The following IARS1 variants were observed in gnomAD, a reference collection of about 807,000 sequenced individuals.
IARS1 encodes the protein isoleucine--tRNA ligase, cytoplasmic.
In IARS1, 124 loss-of-function variants were observed where a neutral mutation model predicts 168.2. That is an observed-to-expected ratio of 0.74 (90% CI 0.64 to 0.86). IARS1 has a LOEUF of 0.86. Ranked by LOEUF, IARS1 falls within the 40% of genes least tolerant of loss-of-function variation. The pLI is 0.00. For synonymous variants in IARS1, 532 were observed against 529.4 expected (o/e 1.00, Z -0.07); for missense variants, 1,452 against 1,515.8 (o/e 0.96, Z 0.70).
At chr9:92,239,741 G>A (rs1345803437) in intron 30 of IARS1, among the ~76,000 whole-genome samples, 2 of 152,154 alleles carry the variant, frequency 1.3e-5, no homozygotes, top group Non-Finnish European at 2.9e-5. Context: ...GAAAGTCCCA[G>A]CTTCCTACTT....
chr9:92,289,004 T>G lies in IARS1; in HGVS notation c.119+297A>C, dbSNP rs147832479. 3.3e-5 allele frequency among the ~76,000 whole-genome samples: 5 copies of G among 151,612 alleles called. No individual in the cohort carries two copies. In the East Asian group the frequency reaches 5.8e-4, roughly 18 times the overall value. On this transcript the variant is annotated intron_variant, in intron 2 of 33. Transcript: ENST00000443024. The stretch of plus-strand genomic sequence containing the variant: ...TGGGTGGATCACTTGAGGTCAGGAG[T>G]CCGAGACCAGCCTGGGCAACATGGT...
chr9:92,267,705 A>C (rs1372338344), intron 14 of IARS1, among the ~76,000 whole-genome samples: 1 of 151,766 alleles, frequency 6.6e-6, no homozygotes, highest in Non-Finnish European at 1.5e-5. Context: ...GTGAGGACAT[A>C]GTATATCCAC....
At position 92,233,150 on chromosome 9, in the gene IARS1, GTT is replaced by G. The variant is rs370987184; in HGVS notation, c.3284-4026_3284-4025del. On this transcript the variant is annotated intron_variant, in intron 30 of 33. Transcript: ENST00000443024. The stretch of plus-strand genomic sequence containing the variant: ...TGGGAAGCGCTGTCAAATAAGAAAT[GTT>G]GTTTAACCTTCTTTAACTTGTACAA... Among the ~76,000 whole-genome samples, 150 of 152,334 alleles carry G rather than the reference GTT, an allele frequency of 9.8e-4. 1 individual carries two copies. The East Asian group carries it at 0.025, about 26-fold the overall frequency.
At chr9:92,229,364 C>CACACACT (rs769996938) in intron 30 of IARS1, among the ~76,000 whole-genome samples, 206 of 129,896 alleles carry the variant, frequency 1.6e-3, no homozygotes, top group Admixed American at 4.8e-3. Flanking sequence ...ACACTACACA[C>CACACACT]ACACACACAC....
chr9:92,222,542 A>G lies in IARS1; in HGVS notation c.3684T>C (p.Phe1228=), dbSNP rs374807564. 105 of 1,613,912 alleles carry G rather than the reference A, an allele frequency of 6.5e-5. No individual in the cohort carries two copies. Among genetic ancestry groups the G allele is most frequent in the Non-Finnish European group, 8.4e-5 (99 of 1,179,992 alleles). The change falls in exon 33 of 34, where the codon TTT becomes TTC. Residue 1228 remains phenylalanine (F), a synonymous_variant. Transcript: ENST00000443024. ...TACCCTGCGTTTGGGTCTCATTCAG[A>G]AACAGCTTTAGCTTCCTGCTCCGAA... is the stretch of plus-strand genomic sequence containing the variant. The part of the protein sequence containing the change: ...FGLRSRKLKL[F]LNETQTQEIT...
intron 31 of IARS1, among the ~76,000 whole-genome samples, chr9:92,226,651 C>T (rs1228816948): frequency 6.6e-6 from 1 of 152,110 alleles, no homozygotes; most frequent in Non-Finnish European, 1.5e-5. Context: ...CCTCTGAAAC[C>T]TGTAGGCGAA....
At chr9:92,275,950 C>T (rs962102839) in intron 9 of IARS1, among the ~76,000 whole-genome samples, 1 of 152,172 alleles carries the variant, frequency 6.6e-6, no homozygotes, top group African/African-American at 2.4e-5. Context: ...TCCAGACAGA[C>T]CTCTACTTAA....
intron 6 of IARS1, among the ~76,000 whole-genome samples, chr9:92,281,493 T>C (rs1472367561): frequency 6.6e-6 from 1 of 152,160 alleles, no homozygotes; most frequent in Non-Finnish European, 1.5e-5. Context: ...TTCAGTATTA[T>C]GATTATCTAT....
chr9:92,237,953 T>C (rs1261731928), intron 30 of IARS1, among the ~76,000 whole-genome samples: 1 of 152,154 alleles, frequency 6.6e-6, no homozygotes, highest in Non-Finnish European at 1.5e-5. Context: ...TCACCCAGTA[T>C]AGAGTATAGG....
intron 20 of IARS1, 28 bp downstream of exon 20, chr9:92,256,652 C>T (rs1352328721): frequency 1.3e-6 from 2 of 1,597,990 alleles, no homozygotes; most frequent in South Asian, 2.3e-5. Context: ...GTCCTTATTC[C>T]TGGGAGGACA....
At chr9:92,235,013 A>C (rs934514585) in intron 30 of IARS1, among the ~76,000 whole-genome samples, 1 of 151,782 alleles carries the variant, frequency 6.6e-6, no homozygotes, top group Non-Finnish European at 1.5e-5. Context: ...CTAATTCTTT[A>C]TATTTTTTCG....
Position 92,251,183 on chromosome 9 carries a change from C to CA in IARS1, c.2308-350dup, listed in dbSNP as rs754476899. The CA allele has an allele frequency of 1.2e-3, 556 of 462,988 alleles. 7 individuals are homozygous for CA. The highest frequency in any genetic ancestry group is 1.7e-3 in the Admixed American group (71 of 42,720). The allele number at this position is 462,988 out of a possible 1,614,324, so 28.7% of individuals were successfully genotyped here. ...AAACTGGGGAAAATACCCCCTGCTT[C>CA]ACAGGATGGAGGTGATGAGATCAGG... On this transcript the variant is annotated intron_variant, in intron 22 of 33. Coordinates refer to ENST00000443024, the MANE Select transcript of IARS1 (RefSeq NM_002161.6).
chr9:92,264,386 T>C (rs958336036), intron 16 of IARS1, among the ~76,000 whole-genome samples: 21 of 151,218 alleles, frequency 1.4e-4, no homozygotes, highest in African/African-American at 4.1e-4. Context: ...AGCCAATCCA[T>C]GGAAAGAAAG....
chr9:92,217,105 C>T (rs1471080759), intron 33 of IARS1, among the ~76,000 whole-genome samples: 1 of 150,142 alleles, frequency 6.7e-6, no homozygotes, highest in African/African-American at 2.4e-5. Context: ...AACTAGAACT[C>T]AGGATTAAGA....
chr9:92,290,841 C>T (rs1251158967), intron 1 of IARS1, among the ~76,000 whole-genome samples: 2 of 152,086 alleles, frequency 1.3e-5, no homozygotes, highest in East Asian at 1.9e-4. Context: ...CTTACCTACA[C>T]TCACATGACA....
intron 31 of IARS1, among the ~76,000 whole-genome samples, chr9:92,225,107 C>T (rs969545014): frequency 6.6e-6 from 1 of 152,200 alleles, no homozygotes; most frequent in Non-Finnish European, 1.5e-5. Flanking sequence ...CTCCTGATGG[C>T]AGCTTGGTTG....
chr9:92,218,531 GTCTCAGCCCAAAA>G (rs1839140402), intron 33 of IARS1, among the ~76,000 whole-genome samples: 2 of 110,880 alleles, frequency 1.8e-5, no homozygotes, highest in South Asian at 6.2e-4. Flanking sequence ...AAACCCCATT[GTCTCAGCCCAAAA>G]TCTCCTTAAG....
intron 30 of IARS1, among the ~76,000 whole-genome samples, chr9:92,239,449 T>G (rs1474572069): frequency 6.6e-6 from 1 of 152,230 alleles, no homozygotes; most frequent in Non-Finnish European, 1.5e-5. Flanking sequence ...TGTTATATCT[T>G]TTTCACTGCA....
At chr9:92,232,322 ATAC>A (rs149206861) in intron 30 of IARS1, among the ~76,000 whole-genome samples, 3,089 of 152,326 alleles carry the variant, frequency 0.02, 110 homozygotes, top group African/African-American at 0.07. Context: ...AACATAAATT[ATAC>A]TACAAGGAAG....
Sources: allele counts gnomAD v4.1 joint callset (sites outside exome capture counted in the v4.1 genomes callset), GRCh38; gene constraint gnomAD v4.1.1; transcripts MANE v1.5; gene names NCBI Gene and HGNC (gene_info 2026-07-23, HGNC 2026-07-21).